Variants in TRPS1 observed in about 807,000 individuals in gnomAD.
TRPS1 encodes the protein transcriptional repressor GATA binding 1, also known as zinc finger transcription factor Trps1.
TRPS1 carries 6 observed loss-of-function variants against 101.2 expected under a neutral mutation model. The observed-to-expected ratio is 0.06, with a 90% CI of 0.03 to 0.12. TRPS1 has a LOEUF of 0.12. Among genes scored for constraint, TRPS1 ranks in the 10% least tolerant of loss-of-function variants. The probability of loss-of-function intolerance (pLI) is 1.00; values close to 1 mark genes in which losing one functional copy is unlikely to be tolerated. For synonymous variants in TRPS1, 578 were observed against 589.8 expected (o/e 0.98, Z 0.29); for missense variants, 1,363 against 1,567.0 (o/e 0.87, Z 2.20).
At chr8:115,529,832 A>G (rs558653238) in intron 5 of TRPS1, among the ~76,000 whole-genome samples, 2 of 152,300 alleles carry the variant, frequency 1.3e-5, no homozygotes, top group South Asian at 4.1e-4. Context: ...GTAAACCAGC[A>G]TGTAGAAAGC....
In TRPS1 at chr8:115,587,315, C is replaced by T. The variant is rs1322332596; in HGVS notation, c.2386G>A (p.Glu796Lys). Residue 796 changes from glutamate (E) to lysine (K), a missense_variant, in exon 5 of 7, where the codon GAG becomes AAG. Around this residue, in one of 5 missense-constraint regions of TRPS1, gnomAD observed 1,020 missense variants for 1,073.0 expected, o/e 0.95. Transcript: ENST00000395715. ...TTGCGAAGGTCATCACTGGAACTCT[C>T]GGTCCAAACTTTCTCTTTGAGCCCG... ...KDGLKEKVWT[E>K]SSSDDLRNVT... 5 of 1,614,204 alleles carry T rather than the reference C, an allele frequency of 3.1e-6. No homozygotes were observed. The highest frequency in any genetic ancestry group is 1.1e-5 in the South Asian group (1 of 91,084).
chr8:115,623,074 A>G (rs1586468273), intron 2 of TRPS1, among the ~76,000 whole-genome samples: 1 of 152,100 alleles, frequency 6.6e-6, no homozygotes, highest in Non-Finnish European at 1.5e-5. Context: ...TGGCTGGGAG[A>G]AAATATGACT....
chr8:115,604,790 G>T lies in TRPS1; in HGVS notation c.1179C>A (p.Asn393Lys). 1 of 1,614,032 alleles carries T rather than the reference G, an allele frequency of 6.2e-7. No individual in the cohort carries two copies. The highest frequency in any genetic ancestry group is 8.5e-7 in the Non-Finnish European group (1 of 1,179,978). Residue 393 changes from asparagine (N) to lysine (K), a missense_variant, in exon 4 of 7, where the codon AAC (asparagine) becomes AAA (lysine). Physicochemically the swap from Asn to Lys is moderately conservative, Grantham distance 94. Transcript: ENST00000395715. The surrounding 1 kb of genome is among the most constrained non-coding windows in gnomAD (Gnocchi z 4.1). ...TGGATTGAAGTGCAGGGATGGACTT[G>T]TTAGAGTTTTTCTCTGAAGGTTTTG... ...EVAKPSEKNS[N>K]KSIPALQSSD...
chr8:115,449,507 T>G (rs1354230358), intron 5 of TRPS1, among the ~76,000 whole-genome samples: 1 of 152,106 alleles, frequency 6.6e-6, no homozygotes, highest in Non-Finnish European at 1.5e-5. Flanking sequence ...ACAACAAATC[T>G]CTCATTGCAA....
chr8:115,526,260 C>T (rs909446797), intron 5 of TRPS1, among the ~76,000 whole-genome samples: 1 of 151,752 alleles, frequency 6.6e-6, no homozygotes, highest in African/African-American at 2.4e-5. Context: ...AGTGAGCTGA[C>T]ATCACGCCAC....
intron 3 of TRPS1, among the ~76,000 whole-genome samples, chr8:115,615,989 T>C (rs1818268885): frequency 6.6e-6 from 1 of 151,804 alleles, no homozygotes; most frequent in Admixed American, 6.5e-5. Context: ...AACATCCTGG[T>C]CAAATCAATT....
chr8:115,506,339 T>C (rs909727607), intron 5 of TRPS1, among the ~76,000 whole-genome samples: 1 of 152,062 alleles, frequency 6.6e-6, no homozygotes, highest in African/African-American at 2.4e-5. Context: ...TTGAGTAATT[T>C]ATTGTCAAAT....
chr8:115,520,425 C>T (rs181324100), intron 5 of TRPS1, among the ~76,000 whole-genome samples: 2 of 151,734 alleles, frequency 1.3e-5, no homozygotes. Context: ...AGCCATTTAA[C>T]CTGTTGGGAG....
chr8:115,575,987 A>C (rs182016668), intron 5 of TRPS1, among the ~76,000 whole-genome samples: 2 of 152,148 alleles, frequency 1.3e-5, no homozygotes, highest in Non-Finnish European at 2.9e-5. Flanking sequence ...GACTGTGAAC[A>C]AAACAGGCAT....
intron 1 of TRPS1, among the ~76,000 whole-genome samples, chr8:115,628,811 C>T (rs1328570960): frequency 6.6e-6 from 1 of 151,722 alleles, no homozygotes; most frequent in Non-Finnish European, 1.5e-5. Flanking sequence ...AGACTTGTCT[C>T]TAGACTCTTC....
Position 115,427,140 on chromosome 8 carries a change from G to C in TRPS1, c.2701-8688C>G, listed in dbSNP as rs539558105. ...GTTAAAAAAAAAATTAGTTGGGTGT[G>C]GTGGTATGCATCTATAATCTGAGCT... is the stretch of plus-strand genomic sequence containing the variant. On this transcript the variant is annotated intron_variant, in intron 5 of 6. Coordinates refer to ENST00000395715, the MANE Select transcript of TRPS1 (RefSeq NM_014112.5). Among the ~76,000 whole-genome samples the C allele has an allele frequency of 3.9e-5, 6 of 151,922 alleles. No individual in the cohort carries two copies. The South Asian group carries it at 8.4e-4, about 21-fold the overall frequency.
intron 5 of TRPS1, among the ~76,000 whole-genome samples, chr8:115,456,433 T>TA (rs1814027267): frequency 6.6e-6 from 1 of 152,178 alleles, no homozygotes; most frequent in South Asian, 2.1e-4. Flanking sequence ...AATTGTACAC[T>TA]AAAAAATTAA....
At chr8:115,446,548 C>T (rs1166693661) in intron 5 of TRPS1, among the ~76,000 whole-genome samples, 1 of 152,116 alleles carries the variant, frequency 6.6e-6, no homozygotes, top group Non-Finnish European at 1.5e-5. Flanking sequence ...TAGTTTCCTG[C>T]TTGTTGTTCC....
At chr8:115,665,984 C>G (rs1453898197) in intron 1 of TRPS1, among the ~76,000 whole-genome samples, 1 of 152,134 alleles carries the variant, frequency 6.6e-6, no homozygotes, top group Non-Finnish European at 1.5e-5. Flanking sequence ...AATAATACTT[C>G]GCCAACAGAG....
chr8:115,459,119 C>T (rs1814100637), intron 5 of TRPS1, among the ~76,000 whole-genome samples: 1 of 152,014 alleles, frequency 6.6e-6, no homozygotes, highest in African/African-American at 2.4e-5. Context: ...AGGCAGATCA[C>T]GAGGTCAGGA....
At chr8:115,655,337 A>C (rs1811654012) in intron 1 of TRPS1, among the ~76,000 whole-genome samples, 1 of 152,206 alleles carries the variant, frequency 6.6e-6, no homozygotes. Context: ...ACAGAATGTT[A>C]GAAGAATCTT....
intron 5 of TRPS1, among the ~76,000 whole-genome samples, chr8:115,583,521 T>C (rs1232726438): frequency 1.3e-5 from 2 of 152,124 alleles, no homozygotes; most frequent in Admixed American, 6.5e-5. Flanking sequence ...TTCTATAAGA[T>C]CTATTCTAGA....
In TRPS1 at chr8:115,666,220, A is replaced by C. The variant is rs1290137050; in HGVS notation, c.-122+2325T>G. ...AGTTATGAAATCCAAGGAGAGAGAA[A>C]CTCTAAGAATATGTTTGACTTGTTA... On this transcript the variant is annotated intron_variant, in intron 1 of 6. Coordinates refer to ENST00000395715, the MANE Select transcript of TRPS1 (RefSeq NM_014112.5). 2.0e-5 allele frequency among the ~76,000 whole-genome samples: 3 copies of C among 152,154 alleles called. No homozygotes were observed. The East Asian group carries it at 5.8e-4, about 29-fold the overall frequency.
intron 5 of TRPS1, among the ~76,000 whole-genome samples, chr8:115,539,107 A>G (rs1306769678): frequency 2.6e-5 from 4 of 152,194 alleles, no homozygotes; most frequent in African/African-American, 9.6e-5. Context: ...TTGTTACTGC[A>G]TTCAGCTAAT....
Sources: allele counts gnomAD v4.1 joint callset (sites outside exome capture counted in the v4.1 genomes callset), GRCh38; gene constraint gnomAD v4.1.1; regional missense constraint gnomAD v4.1.1; non-coding constraint Gnocchi (gnomAD v3.1); transcripts MANE v1.5; gene names NCBI Gene and HGNC (gene_info 2026-07-23, HGNC 2026-07-21).